The following TP53BP2 variants were observed in gnomAD, a reference collection of about 807,000 sequenced individuals.
TP53BP2 encodes tumor protein p53 binding protein 2.
TP53BP2 carries 62 observed loss-of-function variants against 126.2 expected under a neutral mutation model. The observed-to-expected ratio is 0.49, with a 90% CI of 0.40 to 0.61. The LOEUF is 0.61. Ranked by LOEUF, TP53BP2 falls within the 20% of genes least tolerant of loss-of-function variation. The pLI is 0.00. For synonymous variants in TP53BP2, 485 were observed against 502.9 expected (o/e 0.96, Z 0.48); for missense variants, 1,215 against 1,402.8 (o/e 0.87, Z 2.14).
At chr1:223,842,640 G>T (rs1664140904) in intron 1 of TP53BP2, among the ~76,000 whole-genome samples, 1 of 152,222 alleles carries the variant, frequency 6.6e-6, no homozygotes, top group Non-Finnish European at 1.5e-5. Context: ...GCTGAAAAGA[G>T]CAGAGAGTAG....
intron 1 of TP53BP2, among the ~76,000 whole-genome samples, chr1:223,827,645 A>G (rs1161106523): frequency 6.6e-6 from 1 of 152,210 alleles, no homozygotes; most frequent in Non-Finnish European, 1.5e-5. Context: ...GTTTTTACAG[A>G]CCATTTTAAT....
intron 1 of TP53BP2, among the ~76,000 whole-genome samples, chr1:223,831,717 C>G (rs1183520638): frequency 6.7e-6 from 1 of 150,186 alleles, no homozygotes; most frequent in African/African-American, 2.4e-5. Context: ...GTTTCTACCT[C>G]CTATAGTCAT....
chr1:223,805,969 A>C (rs191367279), intron 5 of TP53BP2, among the ~76,000 whole-genome samples: 52 of 152,298 alleles, frequency 3.4e-4, no homozygotes, highest in African/African-American at 1.2e-3. Flanking sequence ...CTTTTGGGTC[A>C]GATTGGAAGC....
chr1:223,822,686 C>G (rs889201078), intron 1 of TP53BP2, among the ~76,000 whole-genome samples: 1 of 151,326 alleles, frequency 6.6e-6, no homozygotes, highest in Non-Finnish European at 1.5e-5. Context: ...ACAAAAAAAC[C>G]TAACAATCTT....
At chr1:223,792,834 T>C (rs1662198253) in intron 14 of TP53BP2, among the ~76,000 whole-genome samples, 1 of 146,912 alleles carries the variant, frequency 6.8e-6, no homozygotes, top group Admixed American at 6.9e-5. Context: ...AATTAGTTTC[T>C]AAGTAGAAGT....
intron 1 of TP53BP2, among the ~76,000 whole-genome samples, chr1:223,836,239 C>T (rs1054303885): frequency 1.3e-5 from 2 of 152,132 alleles, no homozygotes; most frequent in Non-Finnish European, 2.9e-5. Context: ...GAGCGGAGCA[C>T]GTCATGGAGG....
chr1:223,788,629 T>C (rs1027123844), intron 16 of TP53BP2, among the ~76,000 whole-genome samples: 5 of 152,198 alleles, frequency 3.3e-5, no homozygotes, highest in Admixed American at 6.5e-5. Context: ...ACCATTTGGG[T>C]TCTTAAACTG....
chr1:223,788,423 TATATAC>T (rs1292880787), intron 16 of TP53BP2, among the ~76,000 whole-genome samples: 1 of 152,236 alleles, frequency 6.6e-6, no homozygotes. Context: ...ATTTTCCTTG[TATATAC>T]AAATGCCAAT....
rs900815910 is a variant in TP53BP2, at chr1:223,790,659, C to G, written c.2997-1485G>C. Among the ~76,000 whole-genome samples, 6 of 147,554 alleles carry G rather than the reference C, an allele frequency of 4.1e-5. No individual in the cohort carries two copies. In the South Asian group the frequency reaches 1.3e-3, roughly 31 times the overall value. ...TTGCTCTGTCACCCAGACTGGAGTA[C>G]AGCAATGCAATCTCAGCTCACTGCA... On this transcript the variant is annotated intron_variant, in intron 15 of 17. Transcript: ENST00000343537.
At chr1:223,842,915 C>A (rs1321611393) in intron 1 of TP53BP2, among the ~76,000 whole-genome samples, 2 of 152,148 alleles carry the variant, frequency 1.3e-5, no homozygotes, top group African/African-American at 2.4e-5. Flanking sequence ...TTCTCCTCGG[C>A]AAGTTGTGGA....
At position 223,804,114 on chromosome 1, in the gene TP53BP2, G is replaced by A. The variant is rs535733603; in HGVS notation, c.649+60C>T. On this transcript the variant is annotated intron_variant, in intron 6 of 17. Transcript: ENST00000343537. ...AGCCTGGGCAACACAGTAAGACCCTGTCTCAAAAAAACCAGACAAATAAAT... is the reference window on the plus strand; with the variant it reads ...AGCCTGGGCAACACAGTAAGACCCTATCTCAAAAAAACCAGACAAATAAAT... The A allele has an allele frequency of 6.5e-6, 10 of 1,544,214 alleles. No individual in the cohort carries two copies. In the East Asian group the frequency reaches 2.0e-4, roughly 31 times the overall value.
intron 1 of TP53BP2, among the ~76,000 whole-genome samples, chr1:223,823,281 G>A (rs748097973): frequency 1.3e-5 from 2 of 152,208 alleles, no homozygotes; most frequent in African/African-American, 2.4e-5. Flanking sequence ...AGGCAGCACC[G>A]GATTAGGGAT....
At chr1:223,818,319 T>C (rs558170472) in intron 2 of TP53BP2, 1 of 152,034 alleles carries the variant, frequency 6.6e-6, no homozygotes, top group South Asian at 2.1e-4. Context: ...CTGGCCAACA[T>C]GATGAAACTC....
At chr1:223,829,681 C>T (rs1483070550) in intron 1 of TP53BP2, among the ~76,000 whole-genome samples, 1 of 151,494 alleles carries the variant, frequency 6.6e-6, no homozygotes, top group Non-Finnish European at 1.5e-5. Flanking sequence ...TGTGTTCCTG[C>T]CAACTTTTGA....
intron 1 of TP53BP2, among the ~76,000 whole-genome samples, chr1:223,837,155 A>AGCGGGGGG (rs1558111841): frequency 3.7e-4 from 28 of 76,710 alleles, no homozygotes; most frequent in African/African-American, 1.2e-3. Context: ...TAAAAAAAAA[A>AGCGGGGGG]GGGGGGGGGC....
chr1:223,801,261 A>C (rs1354756607), intron 9 of TP53BP2, among the ~76,000 whole-genome samples: 1 of 152,234 alleles, frequency 6.6e-6, no homozygotes, highest in East Asian at 1.9e-4. Flanking sequence ...TGATACTTAA[A>C]TTTCAAAAGC....
Position 223,810,492 on chromosome 1 carries a change from T to C in TP53BP2, c.311A>G (p.Asp104Gly). Residue 104 changes from aspartate (D) to glycine (G), a missense_variant, in exon 4 of 18, where the codon GAT (aspartate) becomes GGT (glycine). This residue lies in a region of TP53BP2 where 814 missense variants were observed against 853.0 expected (regional missense o/e 0.95). Transcript: ENST00000343537. ...TACACCATTTCTTTTTAAACTTGGA[T>C]CCTGAGATCTTGGTCCACTCACTAA... ...RDIVSGPRSQ[D>G]PSLKRNGVKV... is the part of the protein sequence containing the mutation. 3 of 1,607,542 alleles carry C rather than the reference T, an allele frequency of 1.9e-6. No individual in the cohort carries two copies. Among genetic ancestry groups the C allele is most frequent in the Non-Finnish European group, 2.5e-6 (3 of 1,176,668 alleles).
intron 2 of TP53BP2, chr1:223,818,158 CA>C (rs1231019806): frequency 6.6e-6 from 1 of 152,442 alleles, no homozygotes; most frequent in Non-Finnish European, 1.5e-5. Flanking sequence ...ATCAAGAGAT[CA>C]GGGGAATCGC....
At chr1:223,784,827 T>G (rs993897313) in intron 16 of TP53BP2, among the ~76,000 whole-genome samples, 1 of 152,106 alleles carries the variant, frequency 6.6e-6, no homozygotes, top group Non-Finnish European at 1.5e-5. Context: ...GAGGAAAAAA[T>G]ATATATAGAA....
Sources: gnomAD v4.1 joint callset for allele counts (sites outside exome capture counted in the v4.1 genomes callset) on GRCh38, gnomAD v4.1.1 for gene constraint, gnomAD v4.1.1 regional missense constraint, MANE v1.5 for transcripts, NCBI Gene and HGNC (gene_info 2026-07-23, HGNC 2026-07-21) for gene names.